Variants in HECTD4 observed in about 807,000 individuals in gnomAD.
HECTD4 encodes HECT domain E3 ubiquitin protein ligase 4.
HECTD4 carries 114 observed loss-of-function variants against 471.5 expected under a neutral mutation model. The ratio of observed to expected loss-of-function variants is 0.24; its 90% CI spans 0.21 to 0.28. The LOEUF (loss-of-function observed/expected upper bound fraction) is 0.28. Ranked by LOEUF, HECTD4 falls within the 10% of genes least tolerant of loss-of-function variation. The pLI is 1.00. For missense variants in HECTD4, 3,866 were observed against 5,651.5 expected (o/e 0.68, Z 10.13); for synonymous variants, 2,012 against 2,256.0 (o/e 0.89, Z 3.07).
At position 112,175,783 on chromosome 12, in the gene HECTD4, G is replaced by T; in HGVS notation, c.11547C>A (p.Ser3849Arg). 5.0e-6 allele frequency: 8 copies of T among 1,613,296 alleles called. No individual in the cohort carries two copies. The highest frequency in any genetic ancestry group is 6.8e-6 in the Non-Finnish European group (8 of 1,179,606). Residue 3849 changes from serine to arginine, a missense_variant, in exon 66 of 76, where the codon AGC becomes AGA. Transcript: ENST00000682272. ...VIDRARQDIR[S>R]VWRAILSCGY... ...CACAGGACAAGATCGCCCTCCAGAC[G>T]CTACGGATATCTTGCCTGGCTCGGT...
rs780451477 is a variant in HECTD4 at position 112,163,056 on chromosome 12, G to C, written c.13106C>G (p.Pro4369Arg). Reference protein sequence around the residue: ...VPPYPMKIAPPDGTAGSPDSR... With the variant: ...VPPYPMKIAPRDGTAGSPDSR... Reference sequence around the variant, plus strand: ...GAGGGCGGTACCTGCTGTGCCATCTGGGGGGGCGATCTTCATGGGGTACGG... The same window carrying C: ...GAGGGCGGTACCTGCTGTGCCATCTCGGGGGGCGATCTTCATGGGGTACGG... Residue 4369 changes from proline to arginine, a missense_variant, in exon 75 of 76, where the codon CCA becomes CGA. Pro to Arg is a moderately radical substitution (Grantham distance 103). Coordinates refer to ENST00000682272, the MANE Select transcript of HECTD4 (RefSeq NM_001388303.1). The surrounding 1 kb of genome is among the most constrained non-coding windows in gnomAD (Gnocchi z 8.2). 1.2e-6 allele frequency: 2 copies of C among 1,608,614 alleles called. No individual in the cohort carries two copies. Among genetic ancestry groups the C allele is most frequent in the Non-Finnish European group, 1.7e-6 (2 of 1,176,026 alleles).
At chr12:112,328,506 T>C (rs1008136428) in intron 1 of HECTD4, among the ~76,000 whole-genome samples, 1 of 152,188 alleles carries the variant, frequency 6.6e-6, no homozygotes, top group African/African-American at 2.4e-5. Context: ...TGCTTAAACC[T>C]TTCTACAGAT....
At chr12:112,274,151 T>C (rs1046427598) in intron 10 of HECTD4, among the ~76,000 whole-genome samples, 1 of 152,186 alleles carries the variant, frequency 6.6e-6, no homozygotes, top group Non-Finnish European at 1.5e-5. Context: ...CCCTAATAAC[T>C]GAGCCCAAAA....
chr12:112,271,552 T>C (rs933916801), intron 11 of HECTD4, among the ~76,000 whole-genome samples: 1 of 152,190 alleles, frequency 6.6e-6, no homozygotes, highest in African/African-American at 2.4e-5. Flanking sequence ...AGTCTAACCA[T>C]GAGAAAGCAT....
rs1037270895 is a variant in HECTD4 at position 112,226,681 on chromosome 12, A to G, written c.6932T>C (p.Val2311Ala). 4 of 1,613,140 alleles carry G rather than the reference A, an allele frequency of 2.5e-6. No homozygotes were observed. The highest frequency in any genetic ancestry group is 2.5e-6 in the Non-Finnish European group (3 of 1,179,502). ...CTGGGCTACTAGGTTAAGAACTTCA[A>G]CAGCTGCTGGACATTGTTGTATGAA... ...EEFIQQCPAAVEVLNLVAQEC... is the reference protein window; with the variant it reads ...EEFIQQCPAAAEVLNLVAQEC... Residue 2311 changes from valine (V) to alanine (A), a missense_variant, in exon 44 of 76, where the codon GTT (valine) becomes GCT (alanine). Coordinates refer to ENST00000682272, the MANE Select transcript of HECTD4 (RefSeq NM_001388303.1).
At chr12:112,246,101 C>T (rs922728847) in intron 29 of HECTD4, among the ~76,000 whole-genome samples, 22 of 151,292 alleles carry the variant, frequency 1.5e-4, no homozygotes, top group African/African-American at 5.3e-4. Context: ...CACCGCACTC[C>T]AGCCTGGACA....
At chr12:112,183,972 C>T (rs1015563822) in intron 61 of HECTD4, among the ~76,000 whole-genome samples, 1 of 152,212 alleles carries the variant, frequency 6.6e-6, no homozygotes, top group African/African-American at 2.4e-5. Context: ...AGGCCCTGAG[C>T]CCTCTGGCTC....
In HECTD4 at chr12:112,243,801, C is replaced by T; in HGVS notation, c.4650-40G>A. ...GAACAGACTGGCAAGACGAGAAACA[C>T]ACTCAGGGAGCTTGTTTTGATGAAT... On this transcript the variant is annotated intron_variant, in intron 30 of 75. Coordinates refer to ENST00000682272, the MANE Select transcript of HECTD4 (RefSeq NM_001388303.1). The surrounding 1 kb of genome is among the most constrained non-coding windows in gnomAD (Gnocchi z 6.6). The T allele has an allele frequency of 6.2e-7, 1 of 1,609,764 alleles. No individual in the cohort carries two copies. The highest frequency in any genetic ancestry group is 1.3e-5 in the African/African-American group (1 of 74,968).
chr12:112,252,607 T>C, intron 22 of HECTD4, 79 bp from the exon 23 acceptor site: 2 of 1,504,450 alleles, frequency 1.3e-6, no homozygotes, highest in South Asian at 1.3e-5. Flanking sequence ...ATTTCAGAGG[T>C]TTACTTTCAA....
Position 112,283,106 on chromosome 12 carries a change from A to T in HECTD4, c.1528+4T>A, listed in dbSNP as rs764577237. On this transcript the variant is annotated splice_donor_region_variant and intron_variant, in intron 8 of 75. Transcript: ENST00000682272. ...ACAGATCTGGGAAGCACAGAGTAAC[A>T]TACCTGCTTGATCCTCTTTCAGTGT... 9.9e-6 allele frequency: 16 copies of T among 1,611,064 alleles called. No individual in the cohort carries two copies.
At position 112,265,798 on chromosome 12, in the gene HECTD4, A is replaced by G. The variant is rs1251034584; in HGVS notation, c.2498+80T>C. The stretch of plus-strand genomic sequence containing the variant: ...ATCGTATTAGTTATAACAGGAGACT[A>G]AAGTTGATCAAACACATTTAAATGT... On this transcript the variant is annotated intron_variant, in intron 15 of 75. Coordinates refer to ENST00000682272, the MANE Select transcript of HECTD4 (RefSeq NM_001388303.1). The G allele has an allele frequency of 1.6e-5, 17 of 1,049,480 alleles. No homozygotes were observed. The East Asian group carries it at 4.1e-4, about 25-fold the overall frequency. The allele number at this position is 1,049,480 out of a possible 1,614,324, so 65.0% of individuals were successfully genotyped here. A position where few individuals can be genotyped will look rare whatever the true frequency, so the allele number is the denominator to read the frequency against.
At chr12:112,322,464 T>G (rs1053009393) in intron 1 of HECTD4, 1 of 153,110 alleles carries the variant, frequency 6.5e-6, no homozygotes, top group African/African-American at 2.4e-5. Flanking sequence ...ACACATCATC[T>G]ACAAAAGAAG....
Position 112,228,117 on chromosome 12 carries a change from C to T in HECTD4, c.6826G>A (p.Val2276Ile), listed in dbSNP as rs761784882. The change falls in exon 43 of 76, where the codon GTT (valine) becomes ATT (isoleucine). Residue 2276 changes from valine (V) to isoleucine (I), a missense_variant. Physicochemically the swap from Val to Ile is conservative, Grantham distance 29. This residue lies in a region of HECTD4 where 617 missense variants were observed against 915.1 expected (regional missense o/e 0.67). Coordinates refer to ENST00000682272, the MANE Select transcript of HECTD4 (RefSeq NM_001388303.1). The surrounding 1 kb of genome is among the most constrained non-coding windows in gnomAD (Gnocchi z 4.9). ...GTCCTTATTTCAGCAAGGAGCCGAA[C>T]GACTGCCATCACAGGAGCTGACCCA... Reference protein sequence around the residue: ...GDGSAPVMAVVRLLAEIRTRA... With the variant: ...GDGSAPVMAVIRLLAEIRTRA... The T allele has an allele frequency of 7.4e-6, 12 of 1,613,142 alleles. No individual in the cohort carries two copies. The highest frequency in any genetic ancestry group is 1.0e-5 in the Non-Finnish European group (12 of 1,179,506).
chr12:112,274,239 C>T (rs1336031153), intron 10 of HECTD4, among the ~76,000 whole-genome samples: 1 of 152,190 alleles, frequency 6.6e-6, no homozygotes, highest in East Asian at 1.9e-4. Flanking sequence ...CTAACAATAA[C>T]AGGTATACCA....
chr12:112,205,132 CAAAA>C (rs397851178), intron 52 of HECTD4, among the ~76,000 whole-genome samples: 1 of 77,714 alleles, frequency 1.3e-5, no homozygotes. Flanking sequence ...GACTCCATCT[CAAAA>C]AAAAAAAAAA....
At chr12:112,208,052 T>C in intron 51 of HECTD4, 52 bp from the exon 52 acceptor site, 1 of 1,584,004 alleles carries the variant, frequency 6.3e-7, no homozygotes, top group Non-Finnish European at 8.6e-7. Context: ...GGTGCAGGCA[T>C]CACTGTTTCC....
At chr12:112,167,963 G>A (rs780751167) in intron 70 of HECTD4, 46 bp from the exon 71 acceptor site, 2 of 1,451,816 alleles carry the variant, frequency 1.4e-6, no homozygotes, top group Non-Finnish European at 1.9e-6. Flanking sequence ...GTCCCGGCGG[G>A]AGGCGACACC....
chr12:112,279,088 G>A (rs2034584317), intron 9 of HECTD4, 140 bp downstream of exon 9: 1 of 674,822 alleles, frequency 1.5e-6, no homozygotes, highest in Non-Finnish European at 2.4e-6. Context: ...TAGCCTATTT[G>A]ATAATTGGTA....
intron 1 of HECTD4, among the ~76,000 whole-genome samples, chr12:112,377,243 T>C (rs2036797960): frequency 1.3e-5 from 2 of 151,706 alleles, no homozygotes; most frequent in African/African-American, 4.8e-5. Flanking sequence ...AAGACCAGCC[T>C]GGACAATATA....
Sources: allele counts gnomAD v4.1 joint callset (sites outside exome capture counted in the v4.1 genomes callset), GRCh38; gene constraint gnomAD v4.1.1; regional missense constraint gnomAD v4.1.1; non-coding constraint Gnocchi (gnomAD v3.1); transcripts MANE v1.5; gene names NCBI Gene and HGNC (gene_info 2026-07-23, HGNC 2026-07-21).